Variants in SHQ1 observed in about 807,000 individuals in gnomAD.
The protein encoded by SHQ1 is SHQ1, H/ACA ribonucleoprotein assembly factor.
Under a neutral mutation model 53.8 loss-of-function variants are expected in SHQ1, and 49 were observed. The observed-to-expected ratio is 0.91, with a 90% CI of 0.72 to 1.16. SHQ1 has a LOEUF of 1.16. Among genes scored for constraint, SHQ1 ranks in the 50% most tolerant of loss-of-function variants. The probability of loss-of-function intolerance (pLI) is 0.00; values close to 1 mark genes in which losing one functional copy is unlikely to be tolerated. For missense variants in SHQ1, 738 were observed against 683.1 expected, an observed-to-expected ratio of 1.08 and a Z score of -0.90; for synonymous variants, 243 against 251.0, an observed-to-expected ratio of 0.97 and a Z score of 0.30.
intron 10 of SHQ1, among the ~76,000 whole-genome samples, chr3:72,765,304 A>G (rs1464032042): frequency 6.6e-6 from 1 of 151,808 alleles, no homozygotes; most frequent in Non-Finnish European, 1.5e-5. Flanking sequence ...TTCAGATGCC[A>G]CCACTTGCCT....
chr3:72,787,019 C>T (rs1022574178), intron 10 of SHQ1, among the ~76,000 whole-genome samples: 28 of 152,272 alleles, frequency 1.8e-4, no homozygotes, highest in African/African-American at 6.7e-4. Flanking sequence ...CTAAAGCAAT[C>T]ATAAGGTCTT....
intron 10 of SHQ1, among the ~76,000 whole-genome samples, chr3:72,754,439 C>T (rs9814945): frequency 0.37 from 55,448 of 150,760 alleles, 13,725 homozygotes; most frequent in African/African-American, 0.71. Context: ...TGGAGTGCAA[C>T]AGCACGATCT....
At chr3:72,781,904 A>AC (rs1706085203) in intron 10 of SHQ1, among the ~76,000 whole-genome samples, 1 of 152,208 alleles carries the variant, frequency 6.6e-6, no homozygotes, top group African/African-American at 2.4e-5. Flanking sequence ...GGTCTATTAC[A>AC]GTTTTCCTAT....
At chr3:72,829,502 C>G (rs1260385070) in intron 5 of SHQ1, among the ~76,000 whole-genome samples, 3 of 152,148 alleles carry the variant, frequency 2.0e-5, no homozygotes, top group African/African-American at 7.2e-5. Context: ...ATTTGTTGAA[C>G]AAATAAATAC....
At chr3:72,829,326 T>C (rs1707760613) in intron 5 of SHQ1, among the ~76,000 whole-genome samples, 1 of 152,212 alleles carries the variant, frequency 6.6e-6, no homozygotes, top group African/African-American at 2.4e-5. Context: ...AAAACCCCTT[T>C]AGTACGCTTC....
intron 9 of SHQ1, 161 bp from the exon 10 acceptor site, chr3:72,793,197 G>C: frequency 1.8e-6 from 1 of 567,002 alleles, no homozygotes; most frequent in Non-Finnish European, 3.0e-6. Flanking sequence ...CCCCTTTACT[G>C]ATTTCCTTAA....
chr3:72,828,843 C>T (rs185746546), intron 5 of SHQ1, among the ~76,000 whole-genome samples: 2 of 152,130 alleles, frequency 1.3e-5, no homozygotes, highest in East Asian at 3.9e-4. Flanking sequence ...CGATGACACA[C>T]AAAGGAGTTA....
chr3:72,783,646 A>AATCATGATG (rs1706140079), intron 10 of SHQ1, among the ~76,000 whole-genome samples: 1 of 152,222 alleles, frequency 6.6e-6, no homozygotes, highest in Non-Finnish European at 1.5e-5. Flanking sequence ...AATGTATCAT[A>AATCATGATG]ATCATGATGT....
chr3:72,805,975 G>A (rs1043735476), intron 9 of SHQ1, among the ~76,000 whole-genome samples: 1 of 152,156 alleles, frequency 6.6e-6, no homozygotes, highest in African/African-American at 2.4e-5. Context: ...ATATTTAGAA[G>A]TATTAGGGGG....
chr3:72,813,984 C>T (rs1018826021), intron 8 of SHQ1, among the ~76,000 whole-genome samples: 1 of 151,686 alleles, frequency 6.6e-6, no homozygotes, highest in Non-Finnish European at 1.5e-5. Context: ...TTACTAAAAA[C>T]ACTAAACAAA....
intron 9 of SHQ1, among the ~76,000 whole-genome samples, chr3:72,798,109 C>G (rs1706682863): frequency 6.6e-6 from 1 of 152,136 alleles, no homozygotes; most frequent in Non-Finnish European, 1.5e-5. Flanking sequence ...AATGCTAAGG[C>G]CTAAGTCCAA....
chr3:72,744,265 T>C, the SHQ1 span, among the ~76,000 whole-genome samples: 1 of 152,194 alleles, frequency 6.6e-6, no homozygotes, highest in Non-Finnish European at 1.5e-5. Flanking sequence ...TCTTGGGAAA[T>C]AGCTTCAAAG....
At chr3:72,738,891 A>C in the SHQ1 span, among the ~76,000 whole-genome samples, 2 of 148,710 alleles carry the variant, frequency 1.3e-5, no homozygotes, top group African/African-American at 2.5e-5. Flanking sequence ...CAGTGGCCCC[A>C]CCCCGCCCCG....
the SHQ1 span, among the ~76,000 whole-genome samples, chr3:72,734,656 AC>A: frequency 6.6e-6 from 1 of 151,598 alleles, no homozygotes; most frequent in African/African-American, 2.4e-5. Context: ...CTAGCAATTC[AC>A]CCCTAATAAA....
At chr3:72,830,270 T>C (rs1487290873) in intron 5 of SHQ1, among the ~76,000 whole-genome samples, 1 of 152,098 alleles carries the variant, frequency 6.6e-6, no homozygotes, top group Non-Finnish European at 1.5e-5. Context: ...GAAATTAAAA[T>C]TCATTTTCCT....
intron 7 of SHQ1, among the ~76,000 whole-genome samples, chr3:72,816,195 C>T (rs991415853): frequency 3.5e-4 from 53 of 152,108 alleles, no homozygotes; most frequent in African/African-American, 1.2e-3. Flanking sequence ...TAATACCATC[C>T]TAGTGCTATA....
intron 9 of SHQ1, among the ~76,000 whole-genome samples, chr3:72,796,280 A>T (rs181222981): frequency 1.8e-4 from 27 of 152,212 alleles, no homozygotes; most frequent in Non-Finnish European, 2.9e-4. Flanking sequence ...ACTGAGTGAG[A>T]ACGTCTCTAA....
At chr3:72,844,273 G>C in intron 2 of SHQ1, 86 bp downstream of exon 2, 2 of 1,099,470 alleles carry the variant, frequency 1.8e-6, no homozygotes, top group Admixed American at 4.0e-5. Context: ...GACATCAAAA[G>C]GTCCCCATGG....
At chr3:72,831,118 T>C (rs1388005026) in intron 5 of SHQ1, among the ~76,000 whole-genome samples, 1 of 152,246 alleles carries the variant, frequency 6.6e-6, no homozygotes, top group African/African-American at 2.4e-5. Context: ...ATTGGAGAGA[T>C]AAAGGTAATT....
Sources: allele counts gnomAD v4.1 joint callset (sites outside exome capture counted in the v4.1 genomes callset), GRCh38; gene constraint gnomAD v4.1.1; transcripts MANE v1.5; gene names NCBI Gene and HGNC (gene_info 2026-07-23, HGNC 2026-07-21).